The following KIAA1217 variants were observed in gnomAD, a reference collection of about 807,000 sequenced individuals.
KIAA1217 encodes sickle tail protein homolog.
Under a neutral mutation model 163.9 loss-of-function variants are expected in KIAA1217, and 88 were observed. The ratio of observed to expected loss-of-function variants is 0.54; its 90% confidence interval spans 0.45 to 0.64. The LOEUF is 0.64. Among genes scored for constraint, KIAA1217 ranks in the 30% least tolerant of loss-of-function variants. The pLI, the probability that KIAA1217 is intolerant of heterozygous loss-of-function variation, is 0.00. For synonymous variants in KIAA1217, 903 were observed against 923.1 expected, an observed-to-expected ratio of 0.98 and a Z score of 0.39; for missense variants, 2,372 against 2,475.0, an observed-to-expected ratio of 0.96 and a Z score of 0.88.
chr10:24,464,440 C>T (rs2062738776), intron 5 of KIAA1217, among the ~76,000 whole-genome samples: 1 of 152,114 alleles, frequency 6.6e-6, no homozygotes, highest in Non-Finnish European at 1.5e-5. Flanking sequence ...CAACAGAAGC[C>T]ACCTCTCTCT....
chr10:24,257,479 CAAA>C (rs1327408738), intron 2 of KIAA1217, among the ~76,000 whole-genome samples: 25 of 152,128 alleles, frequency 1.6e-4, no homozygotes, highest in Non-Finnish European at 1.5e-5. Flanking sequence ...GATCCTGGAT[CAAA>C]ATGAGTCCTT....
chr10:24,039,787 TATAGATATAG>T (rs1160632191), intron 2 of KIAA1217, among the ~76,000 whole-genome samples: 1 of 141,986 alleles, frequency 7.0e-6, no homozygotes. Flanking sequence ...ATTGGCATGA[TATAGATATAG>T]ATAGATATAG....
At chr10:24,128,246 G>C (rs2063535379) in intron 2 of KIAA1217, among the ~76,000 whole-genome samples, 1 of 152,124 alleles carries the variant, frequency 6.6e-6, no homozygotes, top group Non-Finnish European at 1.5e-5. Flanking sequence ...TGTTAGTCTG[G>C]ATCCTAAGGG....
chr10:24,419,705 T>C (rs1361283093), intron 3 of KIAA1217, among the ~76,000 whole-genome samples: 1 of 152,140 alleles, frequency 6.6e-6, no homozygotes, highest in Non-Finnish European at 1.5e-5. Flanking sequence ...TAAAATATTG[T>C]AAAACCCCTG....
intron 1 of KIAA1217, among the ~76,000 whole-genome samples, chr10:23,912,123 T>G (rs1842458432): frequency 6.6e-6 from 1 of 152,092 alleles, no homozygotes; most frequent in South Asian, 2.1e-4. Flanking sequence ...AGGAGAACTT[T>G]AAGTGCAATT....
At chr10:23,975,114 C>G (rs1418334817) in intron 1 of KIAA1217, among the ~76,000 whole-genome samples, 1 of 152,156 alleles carries the variant, frequency 6.6e-6, no homozygotes, top group East Asian at 1.9e-4. Flanking sequence ...AGATGGCATG[C>G]CAATGTCCCT....
rs150599698 is a variant in KIAA1217 at position 24,009,101 on chromosome 10, T to A, written c.-171+1727T>A. On this transcript the variant is annotated intron_variant, in intron 2 of 18. Coordinates refer to the KIAA1217 transcript ENST00000376462. ...GACTGTTTTGTTGCCTGAATTGGGA[T>A]TGGAGGGCACTAAAAGAACTTGCAA... 4.3e-3 allele frequency among the ~76,000 whole-genome samples: 658 copies of A among 152,298 alleles called. 10 individuals are homozygous for A. Among genetic ancestry groups the A allele is most frequent in the African/African-American group, 0.015 (629 of 41,560 alleles).
intron 1 of KIAA1217, among the ~76,000 whole-genome samples, chr10:24,214,048 T>C (rs920076098): frequency 5.9e-5 from 9 of 152,046 alleles, no homozygotes; most frequent in African/African-American, 1.4e-4. Context: ...TCCCAGCCAC[T>C]CCAGATTCTG....
At chr10:23,810,007 T>G (rs1364632890) in intron 1 of KIAA1217, among the ~76,000 whole-genome samples, 1 of 152,010 alleles carries the variant, frequency 6.6e-6, no homozygotes, top group Non-Finnish European at 1.5e-5. Flanking sequence ...TTCAACACTT[T>G]ATTATAAAAT....
At chr10:23,929,567 G>A (rs1843168894) in intron 1 of KIAA1217, among the ~76,000 whole-genome samples, 1 of 152,084 alleles carries the variant, frequency 6.6e-6, no homozygotes, top group Non-Finnish European at 1.5e-5. Context: ...TGTAGTATTT[G>A]GTTTTCTGTT....
chr10:24,379,615 A>G (rs551508533), intron 2 of KIAA1217, among the ~76,000 whole-genome samples: 33 of 152,258 alleles, frequency 2.2e-4, no homozygotes, highest in African/African-American at 7.9e-4. Context: ...GTCGTCTTGT[A>G]CTTTTAGCAA....
At chr10:24,213,930 C>G (rs1333113320) in intron 1 of KIAA1217, among the ~76,000 whole-genome samples, 1 of 152,034 alleles carries the variant, frequency 6.6e-6, no homozygotes, top group East Asian at 1.9e-4. Flanking sequence ...GCAGGAGGAT[C>G]ACTTGAGGCC....
intron 1 of KIAA1217, among the ~76,000 whole-genome samples, chr10:23,999,864 A>G (rs1846661032): frequency 6.6e-6 from 1 of 152,158 alleles, no homozygotes; most frequent in Admixed American, 6.5e-5. Flanking sequence ...ATTTGAGACC[A>G]GACTAGACAA....
chr10:24,187,477 T>C (rs943707420), intron 2 of KIAA1217, among the ~76,000 whole-genome samples: 2 of 152,246 alleles, frequency 1.3e-5, no homozygotes, highest in Non-Finnish European at 2.9e-5. Context: ...CACTTGGTTA[T>C]AAAACATCAT....
At chr10:23,742,329 G>A (rs1369447471) in intron 1 of KIAA1217, among the ~76,000 whole-genome samples, 1 of 152,172 alleles carries the variant, frequency 6.6e-6, no homozygotes, top group African/African-American at 2.4e-5. Context: ...GAAATCATAG[G>A]CATGATTGTT....
chr10:24,538,487 G>C, intron 17 of KIAA1217, among the ~76,000 whole-genome samples: 1 of 148,342 alleles, frequency 6.7e-6, no homozygotes, highest in African/African-American at 2.5e-5. Context: ...AGACCAGCCT[G>C]GGCAACATAG....
At chr10:24,460,622 C>T (rs919075013) in intron 5 of KIAA1217, among the ~76,000 whole-genome samples, 1 of 152,128 alleles carries the variant, frequency 6.6e-6, no homozygotes, top group Admixed American at 6.5e-5. Flanking sequence ...AATAATGGCA[C>T]AACTAAAACA....
intron 6 of KIAA1217, among the ~76,000 whole-genome samples, chr10:24,484,999 C>G (rs985366424): frequency 1.3e-5 from 2 of 151,944 alleles, no homozygotes; most frequent in African/African-American, 4.8e-5. Context: ...CTGGGCAGAG[C>G]ACTGCTAGAA....
chr10:24,133,002 G>A (rs2063708449), intron 2 of KIAA1217, among the ~76,000 whole-genome samples: 1 of 152,010 alleles, frequency 6.6e-6, no homozygotes, highest in Admixed American at 6.6e-5. Flanking sequence ...AGTTGTTGCT[G>A]GTTGAAATCA....
Sources: gnomAD v4.1 joint callset for allele counts (sites outside exome capture counted in the v4.1 genomes callset) on GRCh38, gnomAD v4.1.1 for gene constraint, MANE v1.5 for transcripts, NCBI Gene and HGNC (gene_info 2026-07-23, HGNC 2026-07-21) for gene names.